Variants in OR51B5 observed in about 807,000 individuals in gnomAD.
OR51B5 encodes olfactory receptor 51B5.
For synonymous variants in OR51B5, 186 were observed against 144.8 expected, an observed-to-expected ratio of 1.28 and a Z score of -2.04; for missense variants, 456 against 374.6, an observed-to-expected ratio of 1.22 and a Z score of -1.79.
downstream of OR51B5, chr11:5,341,155 A>G (rs573719322): frequency 5.9e-5 from 9 of 152,218 alleles, no homozygotes; most frequent in Admixed American, 3.3e-4. Flanking sequence ...TAGGGATTCA[A>G]ATGTGTGCAA....
intron 1 of OR51B5, among the ~76,000 whole-genome samples, chr11:5,477,493 T>C (rs1477385308): frequency 6.6e-6 from 1 of 152,048 alleles, no homozygotes; most frequent in East Asian, 1.9e-4. Flanking sequence ...CTAATTTATA[T>C]GTATTGGGGG....
chr11:5,464,551 C>G (rs558986298), intron 1 of OR51B5, among the ~76,000 whole-genome samples: 1 of 148,254 alleles, frequency 6.7e-6, no homozygotes, highest in East Asian at 2.0e-4. Context: ...GTTTTTTGTT[C>G]TTGCGATAGT....
rs1848249390 is a variant in OR51B5 at position 5,364,571 on chromosome 11, G to T, written n.85-17661C>A. On this transcript the variant is annotated intron_variant and non_coding_transcript_variant, in intron 1 of 4. Transcript: ENST00000415970. Reference sequence around the variant, plus strand: ...AGAGTAGGAGCTTAAAAAATATTCTGTATTAAATGAAAAAATAAACTAAGC... The same window carrying T: ...AGAGTAGGAGCTTAAAAAATATTCTTTATTAAATGAAAAAATAAACTAAGC... 6.0e-5 allele frequency among the ~76,000 whole-genome samples: 9 copies of T among 149,974 alleles called. No individual in the cohort carries two copies. In the Admixed American group the frequency reaches 6.0e-4, roughly 10 times the overall value.
At chr11:5,343,604 G>A (rs1032221069), upstream of OR51B5, 8 of 586,862 alleles carry the variant, frequency 1.4e-5, no homozygotes, top group Non-Finnish European at 2.1e-5. Flanking sequence ...GTATCACTTC[G>A]ACTATATCAT....
intron 1 of OR51B5, chr11:5,489,669 G>C: frequency 6.3e-7 from 1 of 1,587,594 alleles, no homozygotes; most frequent in Non-Finnish European, 8.6e-7. Context: ...TATGAATGCT[G>C]AGCAGAAGTT....
intron 1 of OR51B5, among the ~76,000 whole-genome samples, chr11:5,504,378 C>T (rs1234277023): frequency 1.3e-5 from 2 of 152,260 alleles, no homozygotes; most frequent in South Asian, 4.1e-4. Context: ...AGAAAGAGTA[C>T]AATTTCTTTG....
intron 1 of OR51B5, chr11:5,505,257 GT>G: frequency 1.6e-6 from 2 of 1,230,694 alleles, no homozygotes; most frequent in Non-Finnish European, 1.0e-6. Flanking sequence ...TAGGTTTTTT[GT>G]TTTTTTCCTC....
At chr11:5,374,865 C>G (rs1283786467) in intron 1 of OR51B5, among the ~76,000 whole-genome samples, 1 of 152,008 alleles carries the variant, frequency 6.6e-6, no homozygotes, top group Non-Finnish European at 1.5e-5. Context: ...GATTGGTGTA[C>G]CTGAAAGTGA....
chr11:5,476,234 T>C (rs1007494630), intron 1 of OR51B5, among the ~76,000 whole-genome samples: 2 of 152,210 alleles, frequency 1.3e-5, no homozygotes, highest in African/African-American at 4.8e-5. Flanking sequence ...CTTTATGTGT[T>C]GACTAATTCT....
chr11:5,476,576 T>C (rs1051530449), intron 1 of OR51B5, among the ~76,000 whole-genome samples: 3 of 152,198 alleles, frequency 2.0e-5, no homozygotes, highest in African/African-American at 7.2e-5. Context: ...ACTGAGACCA[T>C]CAGTATTTCA....
intron 1 of OR51B5, among the ~76,000 whole-genome samples, chr11:5,350,589 T>G (rs1849064395): frequency 6.6e-6 from 1 of 152,010 alleles, no homozygotes; most frequent in Admixed American, 6.5e-5. Context: ...TTCCATAGTT[T>G]TAAAAAAAAA....
At chr11:5,453,630 G>T (rs909671496) in intron 1 of OR51B5, 1 of 1,613,778 alleles carries the variant, frequency 6.2e-7, no homozygotes. Flanking sequence ...GATCCTGCAG[G>T]CTGTGCGAGT....
intron 1 of OR51B5, among the ~76,000 whole-genome samples, chr11:5,471,947 C>T (rs1051406783): frequency 1.3e-5 from 2 of 152,276 alleles, no homozygotes; most frequent in Admixed American, 1.3e-4. Flanking sequence ...TAAAGAGGGA[C>T]ATTGAGGGGC....
chr11:5,352,069 G>T, intron 1 of OR51B5: 1 of 1,614,032 alleles, frequency 6.2e-7, no homozygotes. Context: ...GCTAGCCTGT[G>T]CTGACATCAC....
intron 1 of OR51B5, chr11:5,449,220 C>T (rs1035703802): frequency 1.3e-5 from 2 of 152,188 alleles, no homozygotes; most frequent in African/African-American, 4.8e-5. Flanking sequence ...CTAAAACCTC[C>T]CTGAAGAATT....
In OR51B5 at chr11:5,483,251, G is replaced by C. The variant is rs572994952; in HGVS notation, n.84+22318C>G. Reference sequence around the variant, plus strand: ...AAATCATCATTCTCAGTAAACTATTGCAAGAACAAAAAACCAAACACCGCA... The same window carrying C: ...AAATCATCATTCTCAGTAAACTATTCCAAGAACAAAAAACCAAACACCGCA... On this transcript the variant is annotated intron_variant and non_coding_transcript_variant, in intron 1 of 4. Coordinates refer to the OR51B5 transcript ENST00000415970. 2.7e-4 allele frequency among the ~76,000 whole-genome samples: 39 copies of C among 145,106 alleles called. 1 individual carries two copies. Among genetic ancestry groups the C allele is most frequent in the African/African-American group, 1.0e-3 (39 of 38,412 alleles).
Position 5,368,341 on chromosome 11 carries a change from C to T in OR51B5, n.85-21431G>A, listed in dbSNP as rs2133704374. Among the ~76,000 whole-genome samples, 2 of 152,270 alleles carry T rather than the reference C, an allele frequency of 1.3e-5. 1 individual carries two copies. Among genetic ancestry groups the T allele is most frequent in the South Asian group, 4.1e-4 (2 of 4,822 alleles). On this transcript the variant is annotated intron_variant and non_coding_transcript_variant, in intron 1 of 4. Coordinates refer to the OR51B5 transcript ENST00000415970. ...TTATCTTTCTGTGTTTTGGTCCACT[C>T]ATCTTTAAGTGGGGATACCAATAGT...
At chr11:5,367,821 GC>G (rs1849393827) in intron 1 of OR51B5, among the ~76,000 whole-genome samples, 1 of 152,088 alleles carries the variant, frequency 6.6e-6, no homozygotes, top group Admixed American at 6.6e-5. Flanking sequence ...CAGAATAGAG[GC>G]ACTTGCACAA....
At chr11:5,407,814 A>G (rs574811290) in intron 1 of OR51B5, among the ~76,000 whole-genome samples, 1 of 152,070 alleles carries the variant, frequency 6.6e-6, no homozygotes, top group Non-Finnish European at 1.5e-5. Flanking sequence ...TCAAATAAGC[A>G]AATAATTTAT....
Sources: gnomAD v4.1 joint callset for allele counts (sites outside exome capture counted in the v4.1 genomes callset) on GRCh38, gnomAD v4.1.1 for gene constraint, MANE v1.5 for transcripts, NCBI Gene and HGNC (gene_info 2026-07-23, HGNC 2026-07-21) for gene names.